The following EYS variants were observed in gnomAD, a reference collection of about 807,000 sequenced individuals.
The protein encoded by EYS is EGF-like photoreceptor maintenance factor, also known as protein eyes shut homolog.
Under a neutral mutation model 282.1 loss-of-function variants are expected in EYS, and 250 were observed. That is an observed-to-expected ratio of 0.89 (90% CI 0.80 to 0.98). The LOEUF (loss-of-function observed/expected upper bound fraction) is 0.98. Ranked by LOEUF, EYS falls within the 50% of genes least tolerant of loss-of-function variation. EYS has a pLI of 0.00. For synonymous variants in EYS, 1,355 were observed against 1,282.9 expected, an observed-to-expected ratio of 1.06 and a Z score of -1.20; for missense variants, 4,016 against 3,709.0, an observed-to-expected ratio of 1.08 and a Z score of -2.15.
At chr6:64,686,745 A>ATATATATATATATATGTG (rs1405313211) in intron 22 of EYS, among the ~76,000 whole-genome samples, 1 of 12,738 alleles carries the variant, frequency 7.9e-5, no homozygotes, top group Non-Finnish European at 3.1e-4. Flanking sequence ...CCATCTAAAT[A>ATATATATATATATATGTG]TATATATATA....
intron 22 of EYS, among the ~76,000 whole-genome samples, chr6:64,812,032 T>C (rs1455054932): frequency 1.3e-5 from 2 of 152,122 alleles, no homozygotes; most frequent in African/African-American, 4.8e-5. Flanking sequence ...CCATCAGAAA[T>C]ATACGTTCAA....
At chr6:63,946,986 A>T (rs1582011421) in intron 35 of EYS, among the ~76,000 whole-genome samples, 1 of 152,038 alleles carries the variant, frequency 6.6e-6, no homozygotes, top group Non-Finnish European at 1.5e-5. Flanking sequence ...AATTAAAAAT[A>T]AAAAAATTTA....
intron 14 of EYS, among the ~76,000 whole-genome samples, chr6:64,947,509 C>T (rs1769326383): frequency 6.6e-6 from 1 of 151,770 alleles, no homozygotes; most frequent in Non-Finnish European, 1.5e-5. Context: ...CTAGTCTCCA[C>T]TCAGAATAAT....
chr6:65,488,755 C>T (rs1027296563), intron 5 of EYS, among the ~76,000 whole-genome samples: 2 of 152,124 alleles, frequency 1.3e-5, no homozygotes, highest in African/African-American at 4.8e-5. Flanking sequence ...ACCAAAACAG[C>T]ATGGTACTGG....
At chr6:64,091,041 C>T (rs865852102) in intron 31 of EYS, among the ~76,000 whole-genome samples, 29 of 152,174 alleles carry the variant, frequency 1.9e-4, no homozygotes, top group Middle Eastern at 3.2e-3. Flanking sequence ...AACTCACCTT[C>T]CAAGACTGCC....
chr6:64,259,150 G>A (rs913548388), intron 30 of EYS, among the ~76,000 whole-genome samples: 5 of 151,936 alleles, frequency 3.3e-5, no homozygotes, highest in Non-Finnish European at 7.4e-5. Context: ...AGCAAATATT[G>A]TAACCAGAAC....
intron 36 of EYS, among the ~76,000 whole-genome samples, chr6:63,846,465 A>G (rs1304641938): frequency 6.6e-6 from 1 of 152,222 alleles, no homozygotes; most frequent in Non-Finnish European, 1.5e-5. Flanking sequence ...TTTAATACAC[A>G]AGAACAAAAA....
At position 64,168,059 on chromosome 6, in the gene EYS, G is replaced by A. The variant is rs541450495; in HGVS notation, c.6424+62533C>T. 3.9e-4 allele frequency among the ~76,000 whole-genome samples: 60 copies of A among 152,240 alleles called. 1 individual carries two copies. Among genetic ancestry groups the A allele is most frequent in the Admixed American group, 2.5e-3 (39 of 15,298 alleles). ...AGGCGGATCACGAGGTGAGGAGATCGAGACCATCCTGGCTAACACTGTGAA... is the reference window on the plus strand; with the variant it reads ...AGGCGGATCACGAGGTGAGGAGATCAAGACCATCCTGGCTAACACTGTGAA... On this transcript the variant is annotated intron_variant, in intron 31 of 42. Transcript: ENST00000503581.
chr6:63,863,702 G>C (rs1211153773), intron 36 of EYS, among the ~76,000 whole-genome samples: 1 of 112,576 alleles, frequency 8.9e-6, no homozygotes, highest in African/African-American at 3.7e-5. Flanking sequence ...TTGAGATGGA[G>C]TCTCTCTCTG....
chr6:64,790,895 T>G (rs1487905501), intron 22 of EYS, among the ~76,000 whole-genome samples: 1 of 151,992 alleles, frequency 6.6e-6, no homozygotes, highest in Admixed American at 6.6e-5. Flanking sequence ...AGAATGAAAA[T>G]GCAGGAAAAA....
chr6:64,517,252 G>A (rs1388872225), intron 26 of EYS, among the ~76,000 whole-genome samples: 2 of 151,716 alleles, frequency 1.3e-5, no homozygotes, highest in Non-Finnish European at 2.9e-5. Flanking sequence ...CAGATTTCTA[G>A]TGAGTACCAG....
intron 13 of EYS, among the ~76,000 whole-genome samples, chr6:65,028,213 A>G (rs955954267): frequency 6.6e-6 from 1 of 151,542 alleles, no homozygotes; most frequent in African/African-American, 2.4e-5. Context: ...AGTGCAAGAA[A>G]CTCCAATGCT....
At chr6:65,204,386 G>T (rs561328308) in intron 12 of EYS, among the ~76,000 whole-genome samples, 1 of 149,568 alleles carries the variant, frequency 6.7e-6, no homozygotes, top group Non-Finnish European at 1.5e-5. Context: ...AGAGATTGAG[G>T]CCCTATTTTT....
At chr6:64,614,467 C>G (rs1767205166) in intron 24 of EYS, among the ~76,000 whole-genome samples, 1 of 152,058 alleles carries the variant, frequency 6.6e-6, no homozygotes, top group Non-Finnish European at 1.5e-5. Context: ...CTGTAATTAT[C>G]AGACTGGGAA....
intron 12 of EYS, among the ~76,000 whole-genome samples, chr6:65,244,299 A>T (rs1408041595): frequency 6.6e-6 from 1 of 152,212 alleles, no homozygotes. Flanking sequence ...AATTGCTGAT[A>T]CAATTTGTCC....
chr6:64,019,169 T>G (rs1436469753), intron 33 of EYS, among the ~76,000 whole-genome samples: 3 of 152,106 alleles, frequency 2.0e-5, no homozygotes, highest in African/African-American at 7.2e-5. Context: ...CCTGGAATGA[T>G]GCAACCACAA....
intron 2 of EYS, among the ~76,000 whole-genome samples, chr6:65,570,024 T>A (rs1764425427): frequency 1.3e-5 from 2 of 151,864 alleles, no homozygotes; most frequent in Non-Finnish European, 2.9e-5. Context: ...GAGTCAGCCA[T>A]GAAAGAAAGA....
chr6:65,305,512 G>GAGC (rs1156458940), intron 11 of EYS, among the ~76,000 whole-genome samples: 2 of 152,212 alleles, frequency 1.3e-5, no homozygotes, highest in African/African-American at 2.4e-5. Context: ...CAGGAAGCCT[G>GAGC]TAATGTGGGC....
At chr6:64,124,173 G>A (rs958207624) in intron 31 of EYS, among the ~76,000 whole-genome samples, 4 of 152,170 alleles carry the variant, frequency 2.6e-5, no homozygotes, top group Non-Finnish European at 4.4e-5. Flanking sequence ...AGCTGTAGCC[G>A]GGAGCAAAGA....
Sources: allele counts gnomAD v4.1 joint callset (sites outside exome capture counted in the v4.1 genomes callset), GRCh38; gene constraint gnomAD v4.1.1; transcripts MANE v1.5; gene names NCBI Gene and HGNC (gene_info 2026-07-23, HGNC 2026-07-21).